Variants in PCDHA10 observed in about 807,000 individuals in gnomAD.
PCDHA10 encodes protocadherin alpha-10.
In PCDHA10, 45 loss-of-function variants were observed where a neutral mutation model predicts 61.2. The observed-to-expected ratio is 0.74, with a 90% CI of 0.58 to 0.94. The LOEUF is 0.94. PCDHA10 is among the 40% of genes least tolerant of loss of function. The probability of loss-of-function intolerance (pLI) is 0.00; values close to 1 mark genes in which losing one functional copy is unlikely to be tolerated. For missense variants in PCDHA10, 1,278 were observed against 1,236.2 expected (o/e 1.03, Z -0.51); for synonymous variants, 602 against 548.8 (o/e 1.10, Z -1.35).
In PCDHA10 at chr5:141,011,694, G is replaced by A. The variant is rs1473857552; in HGVS notation, c.*1757G>A. 1.3e-5 allele frequency: 2 copies of A among 153,662 alleles called. No individual in the cohort carries two copies. Among genetic ancestry groups the A allele is most frequent in the African/African-American group, 4.8e-5 (2 of 41,412 alleles). The allele number at this position is 153,662 out of a possible 1,614,324, so 9.5% of individuals were successfully genotyped here. On this transcript the variant is annotated 3_prime_UTR_variant, in exon 4 of 4. Coordinates refer to ENST00000307360, the MANE Select transcript of PCDHA10 (RefSeq NM_018901.4). The stretch of plus-strand genomic sequence containing the variant: ...CTGTTTTGTTCTAGTAACAATTTTG[G>A]AATGAATACTGACAATATTCCATGA...
At chr5:140,970,139 A>G (rs1433151291) in intron 1 of PCDHA10, among the ~76,000 whole-genome samples, 3 of 152,124 alleles carry the variant, frequency 2.0e-5, no homozygotes, top group Non-Finnish European at 4.4e-5. Flanking sequence ...AGAAGGGAAA[A>G]AGAATTCTCC....
intron 1 of PCDHA10, among the ~76,000 whole-genome samples, chr5:140,933,379 G>A (rs1403607512): frequency 6.6e-6 from 1 of 151,928 alleles, no homozygotes; most frequent in East Asian, 1.9e-4. Flanking sequence ...TTCCTTGGCT[G>A]TTCCTAGAGC....
intron 1 of PCDHA10, among the ~76,000 whole-genome samples, chr5:140,894,264 G>A (rs1231047220): frequency 1.3e-5 from 2 of 151,820 alleles, no homozygotes; most frequent in African/African-American, 4.8e-5. Flanking sequence ...ACAAGTGGTA[G>A]CTTATTTACA....
intron 1 of PCDHA10, among the ~76,000 whole-genome samples, chr5:140,916,951 G>A (rs1197063390): frequency 6.6e-6 from 1 of 152,210 alleles, no homozygotes; most frequent in Non-Finnish European, 1.5e-5. Context: ...GAGGCTTGCT[G>A]AGTTCTGACT....
intron 1 of PCDHA10, chr5:140,926,711 C>T: frequency 1.1e-6 from 1 of 925,094 alleles, no homozygotes; most frequent in Non-Finnish European, 1.5e-6. Context: ...AGCTGGCCAG[C>T]CCCGGCAATG....
At chr5:140,877,274 C>G (rs781933102) in intron 1 of PCDHA10, 1 of 1,613,856 alleles carries the variant, frequency 6.2e-7, no homozygotes, top group South Asian at 1.1e-5. Context: ...GACGCTGACT[C>G]CGGCTATAAC....
intron 1 of PCDHA10, chr5:140,861,595 T>G (rs1195852387): frequency 1.9e-5 from 7 of 367,584 alleles, no homozygotes; most frequent in Admixed American, 8.8e-5. Context: ...GAGGTGAAAG[T>G]GAAGAACAAT....
intron 3 of PCDHA10, among the ~76,000 whole-genome samples, chr5:140,989,792 C>T (rs1324674581): frequency 6.6e-6 from 1 of 152,142 alleles, no homozygotes; most frequent in African/African-American, 2.4e-5. Flanking sequence ...CTAGAGGCCC[C>T]CAGGAAAGGG....
At chr5:140,973,354 T>A (rs937415600) in intron 1 of PCDHA10, among the ~76,000 whole-genome samples, 4 of 152,202 alleles carry the variant, frequency 2.6e-5, no homozygotes, top group Non-Finnish European at 5.9e-5. Flanking sequence ...AGTAGTGAAT[T>A]TATAAAAATT....
intron 1 of PCDHA10, chr5:140,866,792 A>T (rs2049578190): frequency 6.6e-6 from 1 of 152,208 alleles, no homozygotes; most frequent in Non-Finnish European, 1.5e-5. Flanking sequence ...CTGATATAGT[A>T]AAAGTCAGGC....
chr5:140,895,603 T>C (rs2065070404), intron 1 of PCDHA10, among the ~76,000 whole-genome samples: 1 of 152,156 alleles, frequency 6.6e-6, no homozygotes, highest in African/African-American at 2.4e-5. Context: ...TTTGCAAAGA[T>C]TTTCTCATTG....
chr5:140,926,128 CGCAGCAGGATCCAGCGCGGAAAGCTCT>C (rs1157627097), intron 1 of PCDHA10, among the ~76,000 whole-genome samples: 1 of 152,278 alleles, frequency 6.6e-6, no homozygotes, highest in East Asian at 1.9e-4. Flanking sequence ...GACTTCAACC[CGCAGCAGGATCCAGCGCGGAAAGCTCT>C]GCAGCAGGAT....
At chr5:140,888,210 T>TTG (rs1325850915) in intron 1 of PCDHA10, among the ~76,000 whole-genome samples, 2 of 152,080 alleles carry the variant, frequency 1.3e-5, no homozygotes, top group Admixed American at 1.3e-4. Context: ...ATGCTGGATT[T>TTG]TGTGTGTGTG....
intron 1 of PCDHA10, among the ~76,000 whole-genome samples, chr5:140,893,358 C>A (rs1385049897): frequency 2.0e-5 from 3 of 152,134 alleles, no homozygotes; most frequent in Admixed American, 6.5e-5. Context: ...AATTTACATG[C>A]CCACCAACAG....
At chr5:140,874,406 C>T (rs1399717105) in intron 1 of PCDHA10, among the ~76,000 whole-genome samples, 2 of 152,122 alleles carry the variant, frequency 1.3e-5, no homozygotes, top group Non-Finnish European at 2.9e-5. Flanking sequence ...ATAACAGTCA[C>T]CATTCTGATT....
At chr5:140,908,342 A>G (rs542660039) in intron 1 of PCDHA10, among the ~76,000 whole-genome samples, 48 of 152,196 alleles carry the variant, frequency 3.2e-4, no homozygotes, top group Non-Finnish European at 5.3e-4. Flanking sequence ...TTGAGCCACT[A>G]CCTCATGTAA....
intron 1 of PCDHA10, among the ~76,000 whole-genome samples, chr5:140,962,950 C>T (rs2095723700): frequency 6.6e-6 from 1 of 152,152 alleles, no homozygotes; most frequent in African/African-American, 2.4e-5. Flanking sequence ...ATAAGATATG[C>T]TCTATCCCTA....
rs1301631971 is a variant in PCDHA10, at chr5:141,011,367, C to G, written c.*1430C>G. ...CAATCTCCCATATGTATGCTGTATG[C>G]TATGCTAAGACTCCTGAAATATACT... On this transcript the variant is annotated 3_prime_UTR_variant, in exon 4 of 4. Transcript: ENST00000307360. The G allele has an allele frequency of 1.3e-5, 2 of 153,830 alleles. No homozygotes were observed. The highest frequency in any genetic ancestry group is 1.3e-4 in the Admixed American group (2 of 15,298). 9.5% of individuals were successfully genotyped at this position (153,830 alleles called of 1,614,324 possible). A position where few individuals can be genotyped will look rare whatever the true frequency, so the allele number is the denominator to read the frequency against.
rs999939821 is a variant in PCDHA10, at chr5:140,972,909, G to A, written c.2389-6040G>A. ...GATCTCTTGACCTTGTGATCCACCC[G>A]CCTTGGCCTCCCAAAGTGCTGGGAT... is the stretch of plus-strand genomic sequence containing the variant. On this transcript the variant is annotated intron_variant, in intron 1 of 3. Transcript: ENST00000307360. 5.3e-4 allele frequency among the ~76,000 whole-genome samples: 80 copies of A among 152,056 alleles called. 1 individual carries two copies. Among genetic ancestry groups the A allele is most frequent in the African/African-American group, 1.8e-3 (75 of 41,484 alleles).
Sources: allele counts gnomAD v4.1 joint callset (sites outside exome capture counted in the v4.1 genomes callset), GRCh38; gene constraint gnomAD v4.1.1; transcripts MANE v1.5; gene names NCBI Gene and HGNC (gene_info 2026-07-23, HGNC 2026-07-21).